The following SERINC3 variants were observed in gnomAD, a reference collection of about 807,000 sequenced individuals.
The protein encoded by SERINC3 is tumor differentially expressed protein 1.
SERINC3 carries 22 observed loss-of-function variants against 52.1 expected under a neutral mutation model. The ratio of observed to expected loss-of-function variants is 0.42; its 90% CI spans 0.30 to 0.60. SERINC3 has a LOEUF of 0.60. Ranked by LOEUF, SERINC3 falls within the 20% of genes least tolerant of loss-of-function variation. The probability of loss-of-function intolerance (pLI) is 0.16; values close to 1 mark genes in which losing one functional copy is unlikely to be tolerated. For synonymous variants in SERINC3, 226 were observed against 212.7 expected, an observed-to-expected ratio of 1.06 and a Z score of -0.54; for missense variants, 564 against 584.6, an observed-to-expected ratio of 0.96 and a Z score of 0.36.
At position 44,510,057 on chromosome 20, in the gene SERINC3, C is replaced by T. The variant is rs765599197; in HGVS notation, c.476-29G>A. 7 of 1,609,332 alleles carry T rather than the reference C, an allele frequency of 4.3e-6. No individual in the cohort carries two copies. In the Admixed American group the frequency reaches 6.7e-5, roughly 15 times the overall value. On this transcript the variant is annotated intron_variant, in intron 4 of 9. Transcript: ENST00000342374. Reference sequence around the variant, plus strand: ...CAAGAACCAAGAGAACAAAGTTATTCTCTACCATAGAGTAACATTTCAGAA... The same window carrying T: ...CAAGAACCAAGAGAACAAAGTTATTTTCTACCATAGAGTAACATTTCAGAA...
At chr20:44,515,430 A>C (rs1427526155) in intron 1 of SERINC3, among the ~76,000 whole-genome samples, 1 of 152,236 alleles carries the variant, frequency 6.6e-6, no homozygotes, top group African/African-American at 2.4e-5. Context: ...CATCATGCAA[A>C]GTTATTTAAA....
Position 44,504,847 on chromosome 20 carries a change from G to C in SERINC3, c.828C>G (p.Thr276=), listed in dbSNP as rs1384984148. ...RSGLLQSSLI[T]LYTMYLTWSA... Reference sequence around the variant, plus strand: ...ACCAGGTGAGGTACATAGTGTAGAGGGTGATGAGGGAGGACTGCAAGAGGC... The same window carrying C: ...ACCAGGTGAGGTACATAGTGTAGAGCGTGATGAGGGAGGACTGCAAGAGGC... The change falls in exon 7 of 10, where the codon ACC becomes ACG. Residue 276 remains threonine, a synonymous_variant. Transcript: ENST00000342374. 9.9e-6 allele frequency: 16 copies of C among 1,613,532 alleles called. No individual in the cohort carries two copies. Among genetic ancestry groups the C allele is most frequent in the Non-Finnish European group, 1.3e-5 (15 of 1,179,580 alleles).
chr20:44,503,251 G>A (rs1327290647), intron 8 of SERINC3, among the ~76,000 whole-genome samples: 1 of 152,104 alleles, frequency 6.6e-6, no homozygotes, highest in East Asian at 1.9e-4. Context: ...TGCAGAAATT[G>A]ACAAGCTGAT....
intron 8 of SERINC3, among the ~76,000 whole-genome samples, chr20:44,503,610 T>C (rs536205081): frequency 6.6e-6 from 1 of 152,202 alleles, no homozygotes; most frequent in Non-Finnish European, 1.5e-5. Context: ...ATCCTGCCAC[T>C]GCACTCCAGC....
intron 3 of SERINC3, 116 bp from the exon 4 acceptor site, chr20:44,511,484 T>C (rs1296720180): frequency 1.5e-6 from 1 of 667,288 alleles, no homozygotes; most frequent in Non-Finnish European, 2.6e-6. Flanking sequence ...AACATGATTG[T>C]CTGGACTATT....
At chr20:44,501,576 G>A (rs902593882) in intron 8 of SERINC3, among the ~76,000 whole-genome samples, 1 of 152,170 alleles carries the variant, frequency 6.6e-6, no homozygotes, top group African/African-American at 2.4e-5. Context: ...CACAAGTGCC[G>A]CTTCTATGAT....
In SERINC3 at chr20:44,500,322, C is replaced by T. The variant is rs758352719; in HGVS notation, c.1396G>A (p.Val466Ile). 1.9e-6 allele frequency: 3 copies of T among 1,611,204 alleles called. No homozygotes were observed. The Admixed American group carries it at 5.0e-5, about 27-fold the overall frequency. The change falls in exon 10 of 10, where the codon GTC becomes ATC. Residue 466 changes from valine (V) to isoleucine (I), a missense_variant. Coordinates refer to ENST00000342374, the MANE Select transcript of SERINC3 (RefSeq NM_006811.4). ...CAGCTGAAGTCCCGACTGGTGAGGA[C>T]AAGTGGAGCCACAAGGGTCCAGACG... The part of the protein sequence containing the change: ...LYVWTLVAPL[V>I]LTSRDFS
rs143692109 is a variant in SERINC3 at position 44,504,731 on chromosome 20, T to C, written c.874+70A>G. The C allele has an allele frequency of 9.0e-5, 115 of 1,283,898 alleles. 1 individual carries two copies. The East Asian group carries it at 2.1e-3, about 23-fold the overall frequency. The allele number at this position is 1,283,898 out of a possible 1,614,324, so 79.5% of individuals were successfully genotyped here. A position where few individuals can be genotyped will look rare whatever the true frequency, so the allele number is the denominator to read the frequency against. On this transcript the variant is annotated intron_variant, in intron 7 of 9. Coordinates refer to ENST00000342374, the MANE Select transcript of SERINC3 (RefSeq NM_006811.4). Reference sequence around the variant, plus strand: ...ACATTTGCTCTAGCTCTAGTTTTTGTACCAACTATGTAAAGGCTGATTTCC... The same window carrying C: ...ACATTTGCTCTAGCTCTAGTTTTTGCACCAACTATGTAAAGGCTGATTTCC...
chr20:44,501,983 C>A (rs1035118220), intron 8 of SERINC3, among the ~76,000 whole-genome samples: 1 of 152,214 alleles, frequency 6.6e-6, no homozygotes, highest in Non-Finnish European at 1.5e-5. Flanking sequence ...AGAACTTCCT[C>A]AGGCTGACAA....
At chr20:44,511,239 C>T in intron 4 of SERINC3, 50 bp downstream of exon 4, 1 of 1,280,148 alleles carries the variant, frequency 7.8e-7, no homozygotes, top group Non-Finnish European at 1.1e-6. Flanking sequence ...ACTCAATCAT[C>T]TATAGAGTTT....
chr20:44,508,480 G>C lies in SERINC3; in HGVS notation c.613+1411C>G, dbSNP rs1363780791. 4.0e-5 allele frequency among the ~76,000 whole-genome samples: 6 copies of C among 151,342 alleles called. No homozygotes were observed. The East Asian group carries it at 1.2e-3, about 29-fold the overall frequency. ...CCACTGTACTCCAGCCTGGGTGAGA[G>C]AGTGAGACCCAATCTCAAAAAAAAA... On this transcript the variant is annotated intron_variant, in intron 5 of 9. Coordinates refer to ENST00000342374, the MANE Select transcript of SERINC3 (RefSeq NM_006811.4).
In SERINC3 at chr20:44,511,314, G is replaced by A. The variant is rs756771960; in HGVS notation, c.450C>T (p.Tyr150=). 3 of 1,612,792 alleles carry A rather than the reference G, an allele frequency of 1.9e-6. No homozygotes were observed. The highest frequency in any genetic ancestry group is 2.2e-5 in the South Asian group (2 of 91,048). ...ALIGIMVGSF[Y]IPGGYFSSVW... Reference sequence around the variant, plus strand: ...CTGAGCTGAAATAGCCCCCAGGGATGTAGAAAGAGCCAACCATGATTCCAA... The same window carrying A: ...CTGAGCTGAAATAGCCCCCAGGGATATAGAAAGAGCCAACCATGATTCCAA... Residue 150 remains tyrosine, a synonymous_variant, in exon 4 of 10, where the codon TAC becomes TAT. Transcript: ENST00000342374.
In SERINC3 at chr20:44,502,795, C is replaced by A. The variant is rs115720536; in HGVS notation, c.1055+1020G>T. On this transcript the variant is annotated intron_variant, in intron 8 of 9. Transcript: ENST00000342374. ...TAATTTTTATAGAGACGGGCTCTTA[C>A]TATCTTGCTCTGACTGGTCTCAAAC... 4.9e-3 allele frequency among the ~76,000 whole-genome samples: 752 copies of A among 152,024 alleles called. 3 individuals carry two copies. Among genetic ancestry groups the A allele is most frequent in the African/African-American group, 0.017 (702 of 41,478 alleles).
At position 44,504,805 on chromosome 20, in the gene SERINC3, T is replaced by C; in HGVS notation, c.870A>G (p.Glu290=). The C allele has an allele frequency of 6.2e-7, 1 of 1,606,246 alleles. No homozygotes were observed. The highest frequency in any genetic ancestry group is 8.5e-7 in the Non-Finnish European group (1 of 1,173,810). Residue 290 remains glutamate, a synonymous_variant, in exon 7 of 10, where the codon GAA becomes GAG. Transcript: ENST00000342374. The part of the protein sequence containing the change: ...MYLTWSAMSN[E]PDRSCNPNLM... ...GTGTTATTGACATTCCCTTACCAGG[T>C]TCATTGGACATGGCTGACCAGGTGA...
chr20:44,517,955 G>A (rs1223978764), intron 1 of SERINC3, among the ~76,000 whole-genome samples: 1 of 152,008 alleles, frequency 6.6e-6, no homozygotes. Flanking sequence ...CCTGTTGCTT[G>A]GGCCCAAAAC....
intron 3 of SERINC3, among the ~76,000 whole-genome samples, chr20:44,511,569 G>A (rs568700513): frequency 9.2e-5 from 14 of 152,234 alleles, no homozygotes; most frequent in African/African-American, 3.4e-4. Flanking sequence ...CATTAGCCTA[G>A]AAGATAAATC....
rs1323729913 is a variant in SERINC3 at position 44,497,780 on chromosome 20, C to T, written c.*2516G>A. ...ACACCTCCACCCTAACTGAGCCTGT[C>T]CCCTCTGTGTTCCTCTGTCTAATTC... On this transcript the variant is annotated 3_prime_UTR_variant, in exon 10 of 10. Transcript: ENST00000342374. The T allele has an allele frequency of 2.0e-5, 3 of 152,188 alleles. No individual in the cohort carries two copies. Among genetic ancestry groups the T allele is most frequent in the Admixed American group, 2.0e-4 (3 of 15,272 alleles). The allele number at this position is 152,188 out of a possible 1,614,324, so 9.4% of individuals were successfully genotyped here.
At chr20:44,521,842 G>T in intron 1 of SERINC3, 71 bp downstream of exon 1, 2 of 1,463,076 alleles carry the variant, frequency 1.4e-6, no homozygotes, top group Non-Finnish European at 1.9e-6. Context: ...GCCAAGGCCC[G>T]TGCAGCTCTG....
intron 6 of SERINC3, among the ~76,000 whole-genome samples, chr20:44,506,584 C>CAAAAAAAAAAAAAA (rs1191331026): frequency 2.2e-3 from 32 of 14,258 alleles, no homozygotes; most frequent in East Asian, 7.4e-3. Context: ...GACTCCATCT[C>CAAAAAAAAAAAAAA]AAAAAAAAAA....
Sources: allele counts gnomAD v4.1 joint callset (sites outside exome capture counted in the v4.1 genomes callset), GRCh38; gene constraint gnomAD v4.1.1; transcripts MANE v1.5; gene names NCBI Gene and HGNC (gene_info 2026-07-23, HGNC 2026-07-21).